The following SNTG2 variants were observed in gnomAD, a reference collection of about 807,000 sequenced individuals.
SNTG2 encodes syntrophin gamma 2, also known as gamma-2-syntrophin.
A neutral mutation model predicts 70.9 loss-of-function variants in SNTG2; 74 were observed. The observed-to-expected ratio is 1.04, with a 90% CI of 0.86 to 1.27. SNTG2 has a LOEUF of 1.27. SNTG2 is among the 50% of genes most tolerant of loss of function. The pLI is 0.00. For missense variants in SNTG2, 717 were observed against 690.7 expected, an observed-to-expected ratio of 1.04 and a Z score of -0.43; for synonymous variants, 278 against 273.8, an observed-to-expected ratio of 1.02 and a Z score of -0.15.
At chr2:976,564 A>C (rs547284134) in intron 1 of SNTG2, among the ~76,000 whole-genome samples, 41 of 152,216 alleles carry the variant, frequency 2.7e-4, no homozygotes, top group Non-Finnish European at 5.1e-4. Context: ...CAGAAGCATG[A>C]CAGTGCTCCG....
At chr2:998,644 A>G (rs1372131988) in intron 1 of SNTG2, among the ~76,000 whole-genome samples, 1 of 152,060 alleles carries the variant, frequency 6.6e-6, no homozygotes, top group African/African-American at 2.4e-5. Flanking sequence ...GGATTATGTA[A>G]AATATCCACA....
At chr2:1,073,724 A>C (rs529039641) in intron 1 of SNTG2, among the ~76,000 whole-genome samples, 2 of 152,348 alleles carry the variant, frequency 1.3e-5, no homozygotes, top group African/African-American at 2.4e-5. Flanking sequence ...ATTGAACATT[A>C]AAACCTTTTT....
intron 14 of SNTG2, among the ~76,000 whole-genome samples, chr2:1,303,809 AG>A (rs1260756086): frequency 1.3e-5 from 2 of 152,242 alleles, no homozygotes; most frequent in African/African-American, 4.8e-5. Flanking sequence ...AAACTTCGAC[AG>A]GATAATGAAA....
chr2:1,131,375 T>A (rs1445524421), intron 4 of SNTG2, among the ~76,000 whole-genome samples: 2 of 152,166 alleles, frequency 1.3e-5, no homozygotes, highest in Non-Finnish European at 2.9e-5. Flanking sequence ...AGGGGATGGA[T>A]TCAGCCACAC....
intron 8 of SNTG2, among the ~76,000 whole-genome samples, chr2:1,194,428 ATCTT>A (rs1558515495): frequency 1.3e-5 from 2 of 152,104 alleles, no homozygotes; most frequent in African/African-American, 4.8e-5. Flanking sequence ...GAATGTGGGA[ATCTT>A]TCTTTCTTAG....
intron 1 of SNTG2, among the ~76,000 whole-genome samples, chr2:1,025,483 T>C (rs1660431022): frequency 6.6e-6 from 1 of 152,088 alleles, no homozygotes; most frequent in Non-Finnish European, 1.5e-5. Flanking sequence ...GTTCTGGAGG[T>C]AGGAAGTCTA....
chr2:1,304,743 A>C lies in SNTG2; in HGVS notation c.1285-3751A>C, dbSNP rs571089327. Among the ~76,000 whole-genome samples the C allele has an allele frequency of 5.8e-4, 85 of 146,012 alleles. No homozygotes were observed. In the East Asian group the frequency reaches 0.016, roughly 27 times the overall value. ...CTCTCTCTCTCAAAAAAAAAAAAAA[A>C]GATGGTTTTATTTCTGGTATTCTTA... On this transcript the variant is annotated intron_variant, in intron 14 of 16. Coordinates refer to ENST00000308624, the MANE Select transcript of SNTG2 (RefSeq NM_018968.4).
At position 1,173,141 on chromosome 2, in the gene SNTG2, C is replaced by G. The variant is rs755675327; in HGVS notation, c.549C>G (p.Leu183=). The change falls in exon 8 of 17, where the codon CTC becomes CTG. Residue 183 remains leucine (L), a synonymous_variant. Transcript: ENST00000308624. ...SDHSSGASSP[L]FDSGLHLNGN... ...ACAGCAGTGGGGCCTCCTCTCCCCT[C>G]TTTGACAGCGGTTTGCATCTGAACG... 2 of 1,613,928 alleles carry G rather than the reference C, an allele frequency of 1.2e-6. No homozygotes were observed. Among genetic ancestry groups the G allele is most frequent in the Admixed American group, 1.7e-5 (1 of 60,002 alleles).
rs527541374 is a variant in SNTG2, at chr2:1,034,614, G to A, written c.73-48904G>A. Among the ~76,000 whole-genome samples the A allele has an allele frequency of 1.6e-3, 243 of 152,240 alleles. 4 individuals carry two copies. In the South Asian group the frequency reaches 0.019, roughly 12 times the overall value. ...TTCTCTTTTCTCTGCAACATCACCA[G>A]CATCTGTTATTTTGTGAGTTTTTAA... On this transcript the variant is annotated intron_variant, in intron 1 of 16. Coordinates refer to ENST00000308624, the MANE Select transcript of SNTG2 (RefSeq NM_018968.4).
intron 1 of SNTG2, among the ~76,000 whole-genome samples, chr2:1,066,145 A>G (rs1663133913): frequency 6.6e-6 from 1 of 152,222 alleles, no homozygotes; most frequent in African/African-American, 2.4e-5. Context: ...AAGTTTGTTT[A>G]TTCCTGTGGC....
chr2:1,243,367 T>G (rs1677172610), intron 11 of SNTG2, among the ~76,000 whole-genome samples: 1 of 152,150 alleles, frequency 6.6e-6, no homozygotes, highest in South Asian at 2.1e-4. Flanking sequence ...CAGGTCTGGG[T>G]GCTCGGATTC....
chr2:955,866 G>A (rs1298618690), intron 1 of SNTG2, among the ~76,000 whole-genome samples: 3 of 152,174 alleles, frequency 2.0e-5, no homozygotes, highest in South Asian at 4.1e-4. Flanking sequence ...CGTAGTCTGG[G>A]GTCCCAGCTA....
rs956433095 is a variant in SNTG2 at position 1,282,914 on chromosome 2, A to G, written c.1284+15343A>G. ...TTTGCTCACACAGATGCCGTTTGCT[A>G]CAGAGAACCTGCACATCTATTTTCT... On this transcript the variant is annotated intron_variant, in intron 14 of 16. Coordinates refer to ENST00000308624, the MANE Select transcript of SNTG2 (RefSeq NM_018968.4). Among the ~76,000 whole-genome samples the G allele has an allele frequency of 2.0e-5, 3 of 152,230 alleles. No homozygotes were observed. In the East Asian group the frequency reaches 5.8e-4, roughly 29 times the overall value.
chr2:959,622 G>A (rs1398668962), intron 1 of SNTG2, among the ~76,000 whole-genome samples: 1 of 151,316 alleles, frequency 6.6e-6, no homozygotes, highest in Non-Finnish European at 1.5e-5. Flanking sequence ...TTGCTTTACT[G>A]GCCTTGGGCT....
intron 4 of SNTG2, among the ~76,000 whole-genome samples, chr2:1,114,463 CTAAG>C (rs752475817): frequency 2.0e-4 from 30 of 152,040 alleles, no homozygotes; most frequent in Non-Finnish European, 3.4e-4. Context: ...ATCTTTTGAA[CTAAG>C]TGAGGTTTAA....
At chr2:1,188,865 A>T (rs550109728) in intron 8 of SNTG2, among the ~76,000 whole-genome samples, 16 of 152,300 alleles carry the variant, frequency 1.1e-4, no homozygotes, top group Admixed American at 3.3e-4. Flanking sequence ...AAATCTTAAT[A>T]AATATATTTT....
intron 4 of SNTG2, among the ~76,000 whole-genome samples, chr2:1,128,827 A>T (rs1263639422): frequency 6.6e-6 from 1 of 152,048 alleles, no homozygotes; most frequent in Non-Finnish European, 1.5e-5. Flanking sequence ...GTGCACAGGG[A>T]ATGCTCAGTT....
At chr2:1,261,192 T>C (rs1356127334) in intron 13 of SNTG2, among the ~76,000 whole-genome samples, 2 of 152,210 alleles carry the variant, frequency 1.3e-5, no homozygotes, top group African/African-American at 4.8e-5. Flanking sequence ...AATAGTGATC[T>C]TACAAAATCA....
chr2:1,210,313 G>C (rs1673952972), intron 9 of SNTG2: 1 of 152,162 alleles, frequency 6.6e-6, no homozygotes, highest in Non-Finnish European at 1.5e-5. Flanking sequence ...AAGACAGGTA[G>C]GTGAATATGG....
Sources: allele counts gnomAD v4.1 joint callset (sites outside exome capture counted in the v4.1 genomes callset), GRCh38; gene constraint gnomAD v4.1.1; transcripts MANE v1.5; gene names NCBI Gene and HGNC (gene_info 2026-07-23, HGNC 2026-07-21).